The following ATRX variants were observed in gnomAD, a reference collection of about 807,000 sequenced individuals.
ATRX encodes chromatin remodeler ATRX.
In ATRX, 12 loss-of-function variants were observed where a neutral mutation model predicts 172.6. The ratio of observed to expected loss-of-function variants is 0.07; its 90% CI spans 0.04 to 0.11. The LOEUF (loss-of-function observed/expected upper bound fraction) is 0.11, where lower values mean the gene tolerates loss of function less well. Ranked by LOEUF, ATRX falls within the 10% of genes least tolerant of loss-of-function variation. ATRX has a pLI of 1.00. For missense variants in ATRX, 1,368 were observed against 1,767.4 expected (o/e 0.77, Z 4.05); for synonymous variants, 674 against 594.7 (o/e 1.13, Z -1.94).
At chrX:77,697,119 T>G in intron 4 of ATRX, among the ~76,000 whole-genome samples, 1 of 112,032 alleles carries the variant, frequency 8.9e-6, no homozygotes. Context: ...AAGTTTCAGT[T>G]TTTATGTATG....
At chrX:77,733,931 C>T (rs932136915) in intron 1 of ATRX, among the ~76,000 whole-genome samples, 1 of 108,837 alleles carries the variant, frequency 9.2e-6, no homozygotes, top group Non-Finnish European at 1.9e-5. Flanking sequence ...GGGCCAGGCA[C>T]GCTGGCTCAC....
chrX:77,518,937 T>A (rs1175923860), intron 34 of ATRX, among the ~76,000 whole-genome samples: 2 of 111,975 alleles, frequency 1.8e-5, no homozygotes, highest in Non-Finnish European at 3.8e-5. Context: ...CTGTGGAAGC[T>A]GGATATCCAT....
intron 26 of ATRX, among the ~76,000 whole-genome samples, chrX:77,592,538 C>G: frequency 9.0e-6 from 1 of 110,954 alleles, no homozygotes; most frequent in Non-Finnish European, 1.9e-5. Flanking sequence ...GGAGGCCGGG[C>G]GTGGTGTCTC....
At chrX:77,758,868 T>C (rs562632004) in intron 1 of ATRX, among the ~76,000 whole-genome samples, 1 of 112,442 alleles carries the variant, frequency 8.9e-6, no homozygotes, top group Non-Finnish European at 1.9e-5. Flanking sequence ...TCATTAAATA[T>C]TCTTCTAAAA....
At chrX:77,769,175 G>C (rs2076071775) in intron 1 of ATRX, among the ~76,000 whole-genome samples, 1 of 111,815 alleles carries the variant, frequency 8.9e-6, no homozygotes, top group East Asian at 2.8e-4. Context: ...GGACAACATA[G>C]TGAGACCCCA....
At chrX:77,521,136 A>G (rs1458327480) in intron 33 of ATRX, 2 of 435,578 alleles carry the variant, frequency 4.6e-6, no homozygotes, top group Non-Finnish European at 7.9e-6. Flanking sequence ...TTTAATTTGT[A>G]CAACTGGTAA....
rs111833322 is a variant in ATRX at position 77,654,205 on chromosome X, C to T, written c.4215-5G>A. The T allele has an allele frequency of 1.6e-4, 189 of 1,185,355 alleles. No homozygotes were observed. Among genetic ancestry groups the T allele is most frequent in the Admixed American group, 4.8e-4 (22 of 45,637 alleles). ...AACTCTGCTTTCTTTGCAGACCTGA[C>T]GAAAATTTAAAACACAAAATAAAAT... On this transcript the variant is annotated splice_region_variant and splice_polypyrimidine_tract_variant and intron_variant, in intron 13 of 34. Transcript: ENST00000373344.
chrX:77,682,685 T>G lies in ATRX; in HGVS notation c.2571A>C (p.Lys857Asn). ...TGTGCCCTTGATTATCCATTCCTTT[T>G]TTGCTGTGTTTCTCATCTTCAGAAG... ...FDSSEDEKHS[K>N]KGMDNQGHKN... The change falls in exon 9 of 35, where the codon AAA becomes AAC. Residue 857 changes from lysine to asparagine, a missense_variant. Lys to Asn is a moderately conservative substitution (Grantham distance 94). Transcript: ENST00000373344. 2.5e-6 allele frequency: 3 copies of G among 1,209,391 alleles called. No individual in the cohort carries two copies. Among genetic ancestry groups the G allele is most frequent in the South Asian group, 1.8e-5 (1 of 56,996 alleles).
chrX:77,694,031 ATAGT>A (rs1557148401), intron 5 of ATRX, 94 bp from the exon 6 acceptor site: 2 of 698,029 alleles, frequency 2.9e-6, no homozygotes, highest in African/African-American at 4.2e-5. Context: ...TTGCTGGTAC[ATAGT>A]TTGTTTCTTT....
At chrX:77,689,972 T>C (rs1298733331) in intron 6 of ATRX, among the ~76,000 whole-genome samples, 1 of 112,340 alleles carries the variant, frequency 8.9e-6, no homozygotes, top group Non-Finnish European at 1.9e-5. Flanking sequence ...AAACATCACA[T>C]ATATTTTTCA....
At chrX:77,769,822 G>A (rs184198997) in intron 1 of ATRX, among the ~76,000 whole-genome samples, 5 of 111,106 alleles carry the variant, frequency 4.5e-5, no homozygotes, top group Admixed American at 1.9e-4. Context: ...AGGGCCAGGC[G>A]TGGTGGCTCA....
intron 30 of ATRX, among the ~76,000 whole-genome samples, chrX:77,547,571 A>C (rs1001841863): frequency 8.9e-6 from 1 of 112,116 alleles, no homozygotes; most frequent in East Asian, 2.8e-4. Flanking sequence ...GGAAAATAGA[A>C]GCATCTCTTT....
At chrX:77,550,996 C>T (rs1396976869) in intron 30 of ATRX, among the ~76,000 whole-genome samples, 5 of 111,690 alleles carry the variant, frequency 4.5e-5, no homozygotes, top group Non-Finnish European at 9.4e-5. Context: ...ACATTCCATG[C>T]TCATGGATAG....
intron 30 of ATRX, among the ~76,000 whole-genome samples, chrX:77,556,219 G>A (rs1304129373): frequency 2.5e-4 from 1 of 4,033 alleles, no homozygotes; most frequent in Non-Finnish European, 1.2e-3. Context: ...GAAAGGGAGA[G>A]AGGGAGAGAG....
chrX:77,624,429 C>A (rs2067733798), intron 19 of ATRX, among the ~76,000 whole-genome samples: 1 of 111,246 alleles, frequency 9.0e-6, no homozygotes, highest in Non-Finnish European at 1.9e-5. Context: ...AAGAGGAAGT[C>A]AAACTGTCCC....
chrX:77,727,519 A>G (rs782013593), intron 1 of ATRX, among the ~76,000 whole-genome samples: 40 of 111,567 alleles, frequency 3.6e-4, no homozygotes, highest in Non-Finnish European at 7.2e-4. Flanking sequence ...GGATCAGTTC[A>G]TATATTTTGC....
intron 2 of ATRX, among the ~76,000 whole-genome samples, chrX:77,703,377 C>T (rs2072641019): frequency 8.8e-6 from 1 of 113,066 alleles, no homozygotes; most frequent in Admixed American, 9.3e-5. Flanking sequence ...CGCAATCAGA[C>T]ATCCTGGCAG....
At chrX:77,694,748 T>A (rs781808945) in intron 5 of ATRX, among the ~76,000 whole-genome samples, 2 of 109,445 alleles carry the variant, frequency 1.8e-5, no homozygotes, top group African/African-American at 6.6e-5. Context: ...TTGCTGGGCT[T>A]AGTAACTGGC....
intron 30 of ATRX, among the ~76,000 whole-genome samples, chrX:77,545,615 A>C (rs781891921): frequency 8.9e-6 from 1 of 111,773 alleles, no homozygotes; most frequent in African/African-American, 3.2e-5. Flanking sequence ...ATACTCTTCC[A>C]GAAGATAGTA....
Sources: allele counts gnomAD v4.1 joint callset (sites outside exome capture counted in the v4.1 genomes callset), GRCh38; gene constraint gnomAD v4.1.1; transcripts MANE v1.5; gene names NCBI Gene and HGNC (gene_info 2026-07-23, HGNC 2026-07-21).